HECW2: variants seen among roughly 807,000 people sequenced by gnomAD.
The protein encoded by HECW2 is E3 ubiquitin-protein ligase HECW2.
HECW2 carries 61 observed loss-of-function variants against 175.2 expected under a neutral mutation model. That is an observed-to-expected ratio of 0.35 (90% CI 0.28 to 0.43). The LOEUF (loss-of-function observed/expected upper bound fraction) is 0.43, where lower values mean the gene tolerates loss of function less well. Ranked by LOEUF, HECW2 falls within the 20% of genes least tolerant of loss-of-function variation. The probability of loss-of-function intolerance (pLI) is 1.00; values close to 1 mark genes in which losing one functional copy is unlikely to be tolerated. For missense variants in HECW2, 1,524 were observed against 2,000.5 expected, an observed-to-expected ratio of 0.76 and a Z score of 4.54; for synonymous variants, 671 against 731.0, an observed-to-expected ratio of 0.92 and a Z score of 1.32.
At position 196,475,869 on chromosome 2, in the gene HECW2, T is replaced by G. The variant is rs142952375; in HGVS notation, c.-35-42411A>C. On this transcript the variant is annotated intron_variant, in intron 1 of 28. Coordinates refer to ENST00000644978, the MANE Select transcript of HECW2 (RefSeq NM_001348768.2). ...GGACAGTTTCAAAAGGCAAACTGGG[T>G]GTTGCTACAGGAGAGCATTCAGGCA... Among the ~76,000 whole-genome samples the G allele has an allele frequency of 3.6e-3, 543 of 152,364 alleles. 7 individuals carry two copies. Among genetic ancestry groups the G allele is most frequent in the African/African-American group, 0.012 (502 of 41,584 alleles).
At chr2:196,252,971 C>T (rs1166545823) in intron 19 of HECW2, among the ~76,000 whole-genome samples, 2 of 152,220 alleles carry the variant, frequency 1.3e-5, no homozygotes, top group African/African-American at 4.8e-5. Context: ...CACTGCCACA[C>T]CATGAATTCT....
At chr2:196,448,629 C>A (rs868855005) in intron 1 of HECW2, among the ~76,000 whole-genome samples, 2 of 152,106 alleles carry the variant, frequency 1.3e-5, no homozygotes, top group African/African-American at 4.8e-5. Flanking sequence ...TGTCTCCTCA[C>A]TTTCTCACTC....
At chr2:196,298,664 C>T (rs559121637) in intron 13 of HECW2, among the ~76,000 whole-genome samples, 129 of 152,282 alleles carry the variant, frequency 8.5e-4, no homozygotes, top group African/African-American at 2.7e-3. Context: ...TACCCCATGA[C>T]AGGCCCCGGT....
intron 1 of HECW2, among the ~76,000 whole-genome samples, chr2:196,499,079 C>G (rs1006428571): frequency 2.0e-5 from 3 of 152,148 alleles, no homozygotes; most frequent in Non-Finnish European, 4.4e-5. Flanking sequence ...TCAAAATTCT[C>G]AGAGAGGCAA....
intron 2 of HECW2, among the ~76,000 whole-genome samples, chr2:196,368,921 T>TTGAATTCTCTGTCTGAC (rs1345471305): frequency 1.3e-5 from 2 of 152,168 alleles, no homozygotes; most frequent in African/African-American, 2.4e-5. Context: ...AACAGTCACT[T>TTGAATTCTCTGTCTGAC]TGAATTCTCT....
Position 196,319,742 on chromosome 2 carries a change from T to C in HECW2, c.1148A>G (p.Lys383Arg). The part of the protein sequence containing the change: ...SEDSAADGTP[K>R]HSFRTSSTLE... ...AGTGGAGCTAGTCCTGAATGAATGCTTGGGGGTTCCATCGGCAGCACTGTC... is the reference window on the plus strand; with the variant it reads ...AGTGGAGCTAGTCCTGAATGAATGCCTGGGGGTTCCATCGGCAGCACTGTC... Residue 383 changes from lysine to arginine, a missense_variant, in exon 9 of 29, where the codon AAG (lysine) becomes AGG (arginine). By Grantham distance (26) the Lys-to-Arg change is conservative. Coordinates refer to ENST00000644978, the MANE Select transcript of HECW2 (RefSeq NM_001348768.2). The C allele has an allele frequency of 1.9e-6, 3 of 1,614,196 alleles. No homozygotes were observed. The highest frequency in any genetic ancestry group is 2.5e-6 in the Non-Finnish European group (3 of 1,180,028).
chr2:196,241,198 A>C (rs75610385), intron 20 of HECW2, among the ~76,000 whole-genome samples: 3,667 of 152,290 alleles, frequency 0.024, 164 homozygotes, highest in African/African-American at 0.084. Flanking sequence ...TCTTAATGTA[A>C]ATGGTAATGG....
chr2:196,214,330 T>C (rs1011681961), intron 28 of HECW2, among the ~76,000 whole-genome samples: 1 of 152,220 alleles, frequency 6.6e-6, no homozygotes, highest in Non-Finnish European at 1.5e-5. Flanking sequence ...TGATTAAATA[T>C]GAACAGTGGA....
chr2:196,565,426 T>G lies in HECW2; in HGVS notation c.-36+28082A>C, dbSNP rs151205173. On this transcript the variant is annotated intron_variant, in intron 1 of 28. Coordinates refer to ENST00000644978, the MANE Select transcript of HECW2 (RefSeq NM_001348768.2). ...AGAGATGCTAAGTTTAAAAAAAAAT[T>G]TAACTTGACATGTTCTTTACTTTGT... 4.9e-3 allele frequency among the ~76,000 whole-genome samples: 741 copies of G among 152,318 alleles called. 6 individuals are homozygous for G. Among genetic ancestry groups the G allele is most frequent in the Middle Eastern group, 0.014 (4 of 294 alleles).
intron 2 of HECW2, among the ~76,000 whole-genome samples, chr2:196,431,251 T>C (rs1008062368): frequency 6.6e-6 from 1 of 152,188 alleles, no homozygotes; most frequent in Admixed American, 6.5e-5. Flanking sequence ...GAAAGTAAAA[T>C]ATAACAACAT....
intron 1 of HECW2, among the ~76,000 whole-genome samples, chr2:196,512,052 C>T (rs1277729269): frequency 1.3e-5 from 2 of 152,164 alleles, no homozygotes; most frequent in Non-Finnish European, 1.5e-5. Flanking sequence ...AATTTCATTG[C>T]CCACAAGGCC....
chr2:196,589,490 G>C (rs954000888), intron 1 of HECW2, among the ~76,000 whole-genome samples: 14 of 152,140 alleles, frequency 9.2e-5, no homozygotes, highest in Non-Finnish European at 1.6e-4. Context: ...TTCATGTGGT[G>C]AACAGACACA....
chr2:196,587,379 T>C (rs1174068551), intron 1 of HECW2, among the ~76,000 whole-genome samples: 1 of 152,250 alleles, frequency 6.6e-6, no homozygotes, highest in Non-Finnish European at 1.5e-5. Flanking sequence ...CATTGTCATA[T>C]TTCCATTTGC....
At chr2:196,436,209 G>A (rs1286436334) in intron 1 of HECW2, among the ~76,000 whole-genome samples, 1 of 152,052 alleles carries the variant, frequency 6.6e-6, no homozygotes, top group Non-Finnish European at 1.5e-5. Context: ...GACCATCCTG[G>A]CTAACATGGT....
At chr2:196,492,642 T>C (rs1006395317) in intron 1 of HECW2, among the ~76,000 whole-genome samples, 5 of 152,148 alleles carry the variant, frequency 3.3e-5, no homozygotes, top group African/African-American at 1.2e-4. Context: ...AGGTGTTAAT[T>C]CAAAGATACC....
At chr2:196,498,642 C>T (rs190135639) in intron 1 of HECW2, among the ~76,000 whole-genome samples, 199 of 152,296 alleles carry the variant, frequency 1.3e-3, no homozygotes, top group African/African-American at 4.6e-3. Context: ...TGCTAGGGAA[C>T]TGAAATCACC....
rs753802852 is a variant in HECW2 at position 196,292,692 on chromosome 2, C to T, written c.2873G>A (p.Arg958Gln). 9.3e-6 allele frequency: 15 copies of T among 1,613,892 alleles called. No individual in the cohort carries two copies. The highest frequency in any genetic ancestry group is 6.7e-5 in the East Asian group (3 of 44,888). The change falls in exon 14 of 29, where the codon CGG becomes CAG. Residue 958 changes from arginine (R) to glutamine (Q), a missense_variant. Coordinates refer to ENST00000644978, the MANE Select transcript of HECW2 (RefSeq NM_001348768.2). ...TCLKHMITKV[R>Q]RDTHHFERYQ... is the part of the protein sequence containing the mutation. Reference sequence around the variant, plus strand: ...GCGTTCAAAGTGGTGGGTGTCCCTCCGGACTTTGGTGATCATGTGCTTCAA... The same window carrying T: ...GCGTTCAAAGTGGTGGGTGTCCCTCTGGACTTTGGTGATCATGTGCTTCAA...
intron 1 of HECW2, among the ~76,000 whole-genome samples, chr2:196,522,796 C>T (rs951887359): frequency 9.9e-5 from 15 of 151,416 alleles, no homozygotes; most frequent in African/African-American, 2.9e-4. Flanking sequence ...TGTAGATATG[C>T]GGCGTTATTT....
chr2:196,235,880 G>A (rs190661602), intron 21 of HECW2, among the ~76,000 whole-genome samples: 3 of 151,742 alleles, frequency 2.0e-5, no homozygotes, highest in Admixed American at 6.6e-5. Context: ...GGATGGTCTC[G>A]ATCTTCTGAC....
Sources: gnomAD v4.1 joint callset for allele counts (sites outside exome capture counted in the v4.1 genomes callset) on GRCh38, gnomAD v4.1.1 for gene constraint, MANE v1.5 for transcripts, NCBI Gene and HGNC (gene_info 2026-07-23, HGNC 2026-07-21) for gene names.